Variants in STX17 observed in about 807,000 individuals in gnomAD.
STX17 encodes the protein syntaxin-17.
A neutral mutation model predicts 35.9 loss-of-function variants in STX17; 29 were observed. That is an observed-to-expected ratio of 0.81 (90% CI 0.60 to 1.10). STX17 has a LOEUF of 1.10. Among genes scored for constraint, STX17 ranks in the 50% least tolerant of loss-of-function variants. The probability of loss-of-function intolerance (pLI) is 0.00; values close to 1 mark genes in which losing one functional copy is unlikely to be tolerated. For missense variants in STX17, 312 were observed against 352.3 expected (o/e 0.89, Z 0.92); for synonymous variants, 92 against 118.3 (o/e 0.78, Z 1.44).
intron 3 of STX17, among the ~76,000 whole-genome samples, chr9:99,937,582 T>C (rs933877184): frequency 7.9e-5 from 12 of 152,196 alleles, no homozygotes; most frequent in Admixed American, 6.5e-4. Flanking sequence ...AGTTTTCCCC[T>C]CCAGAATTTT....
chr9:99,928,731 C>T (rs1477318277), intron 2 of STX17, 47 bp from the exon 3 acceptor site: 1 of 1,548,328 alleles, frequency 6.5e-7, no homozygotes, highest in Non-Finnish European at 8.9e-7. Context: ...GGGAAATAAC[C>T]CTTTAGTGAT....
chr9:99,930,174 G>A (rs1829089069), intron 3 of STX17, among the ~76,000 whole-genome samples: 1 of 151,960 alleles, frequency 6.6e-6, no homozygotes, highest in Admixed American at 6.5e-5. Context: ...GCCTCCCATA[G>A]TGCTGGGATT....
intron 1 of STX17, among the ~76,000 whole-genome samples, chr9:99,911,518 C>A (rs2118290687): frequency 6.6e-6 from 1 of 152,018 alleles, no homozygotes; most frequent in East Asian, 1.9e-4. Flanking sequence ...TGGATAAATA[C>A]CCAGTAGTGG....
At chr9:99,932,542 T>C (rs1338136492) in intron 3 of STX17, among the ~76,000 whole-genome samples, 2 of 152,182 alleles carry the variant, frequency 1.3e-5, no homozygotes, top group East Asian at 3.8e-4. Flanking sequence ...TTTAATGAGA[T>C]TATTATGACT....
chr9:99,944,808 G>A (rs927379420), intron 3 of STX17, among the ~76,000 whole-genome samples: 1 of 152,018 alleles, frequency 6.6e-6, no homozygotes, highest in Non-Finnish European at 1.5e-5. Flanking sequence ...GAGCCACTGC[G>A]CCCAGCCAGC....
rs755898321 is a variant in STX17, at chr9:99,951,296, G to A, written c.415+11G>A. The A allele has an allele frequency of 1.2e-6, 2 of 1,610,486 alleles. No individual in the cohort carries two copies. Among genetic ancestry groups the A allele is most frequent in the Non-Finnish European group, 1.7e-6 (2 of 1,177,332 alleles). On this transcript the variant is annotated intron_variant, in intron 4 of 7. Coordinates refer to ENST00000259400, the MANE Select transcript of STX17 (RefSeq NM_017919.3). ...CCATGACTGTTGGTGGTAATGTATT[G>A]TGCTAAGTCTTATTCTCAGTCACAG...
intron 3 of STX17, among the ~76,000 whole-genome samples, chr9:99,937,601 TC>T (rs1829262706): frequency 6.6e-6 from 1 of 152,198 alleles, no homozygotes; most frequent in Non-Finnish European, 1.5e-5. Context: ...TTGATTTGAG[TC>T]TTTTTTATAT....
intron 3 of STX17, among the ~76,000 whole-genome samples, chr9:99,933,696 C>T (rs573609958): frequency 2.0e-5 from 3 of 152,286 alleles, no homozygotes; most frequent in African/African-American, 4.8e-5. Flanking sequence ...GCTACTCCCC[C>T]ACCAATAGGT....
chr9:99,936,975 C>CT (rs1350740166), intron 3 of STX17, among the ~76,000 whole-genome samples: 1 of 151,998 alleles, frequency 6.6e-6, no homozygotes, highest in Non-Finnish European at 1.5e-5. Flanking sequence ...GTGACGAATA[C>CT]TTTGAGTTTT....
intron 2 of STX17, among the ~76,000 whole-genome samples, chr9:99,927,149 C>G (rs1298777368): frequency 6.6e-6 from 1 of 152,212 alleles, no homozygotes; most frequent in East Asian, 1.9e-4. Context: ...CTTCTCCTCT[C>G]TGGTATTCTC....
At chr9:99,952,884 AG>A (rs1312841149) in intron 4 of STX17, among the ~76,000 whole-genome samples, 1 of 83,060 alleles carries the variant, frequency 1.2e-5, no homozygotes, top group Admixed American at 1.6e-4. Flanking sequence ...GTTGTGGGGT[AG>A]GGGGAGGGGG....
intron 2 of STX17, among the ~76,000 whole-genome samples, chr9:99,921,958 GA>G (rs1475883227): frequency 1.3e-5 from 2 of 151,980 alleles, no homozygotes; most frequent in Non-Finnish European, 2.9e-5. Flanking sequence ...AAGGAAGGTG[GA>G]AAAAATATGG....
chr9:99,960,597 C>T (rs1326302515), intron 6 of STX17, among the ~76,000 whole-genome samples: 2 of 152,174 alleles, frequency 1.3e-5, no homozygotes, highest in African/African-American at 4.8e-5. Context: ...GCACGTGCCA[C>T]CATGCCCAGC....
At chr9:99,923,089 T>C (rs1828918991) in intron 2 of STX17, among the ~76,000 whole-genome samples, 1 of 152,162 alleles carries the variant, frequency 6.6e-6, no homozygotes, top group Admixed American at 6.5e-5. Context: ...TCCTTCATCT[T>C]CTATTTCTTT....
Position 99,928,781 on chromosome 9 carries a change from C to T in STX17, c.127C>T (p.Gln43Ter). 6.2e-7 allele frequency: 1 copy of T among 1,612,404 alleles called. No homozygotes were observed. The highest frequency in any genetic ancestry group is 8.5e-7 in the Non-Finnish European group (1 of 1,178,722). ...CTCCCTTCTTTCTTTTATATAGTAT[C>T]AAAGGTGCAGAATCTGGGACAAGTT... Reference protein sequence around the residue: ...RKHQINIEKYQRCRIWDKLHE... With the variant: ...RKHQINIEKY The change falls in exon 3 of 8, where the codon CAA becomes TAA. Residue 43 changes from glutamine to a stop codon, truncating the protein, a stop_gained. Transcript: ENST00000259400. LOFTEE classifies it high-confidence loss of function.
rs1003401524 is a variant in STX17 at position 99,934,440 on chromosome 9, A to G, written c.189+5597A>G. ...TTTACTCTTTTTGGTGGCTTAGTTAATACTTGTTAAGCTATATATATTCTT... is the reference window on the plus strand; with the variant it reads ...TTTACTCTTTTTGGTGGCTTAGTTAGTACTTGTTAAGCTATATATATTCTT... On this transcript the variant is annotated intron_variant, in intron 3 of 7. Transcript: ENST00000259400. Among the ~76,000 whole-genome samples, 3 of 152,308 alleles carry G rather than the reference A, an allele frequency of 2.0e-5. No individual in the cohort carries two copies. In the South Asian group the frequency reaches 6.2e-4, roughly 32 times the overall value.
intron 2 of STX17, among the ~76,000 whole-genome samples, chr9:99,924,584 A>G (rs953230053): frequency 2.6e-5 from 4 of 152,124 alleles, no homozygotes; most frequent in Non-Finnish European, 5.9e-5. Context: ...GATATTATTT[A>G]TCTTCATGAT....
At chr9:99,924,727 C>G (rs1013508214) in intron 2 of STX17, among the ~76,000 whole-genome samples, 1 of 151,998 alleles carries the variant, frequency 6.6e-6, no homozygotes, top group Non-Finnish European at 1.5e-5. Flanking sequence ...TTTTTTCTAG[C>G]CTTTGCCCCA....
At chr9:99,939,689 T>C (rs1829310507) in intron 3 of STX17, among the ~76,000 whole-genome samples, 1 of 152,176 alleles carries the variant, frequency 6.6e-6, no homozygotes, top group Admixed American at 6.5e-5. Flanking sequence ...TTCCCATTAT[T>C]ATTTTTCAGA....
Sources: allele counts gnomAD v4.1 joint callset (sites outside exome capture counted in the v4.1 genomes callset), GRCh38; gene constraint gnomAD v4.1.1; transcripts MANE v1.5; gene names NCBI Gene and HGNC (gene_info 2026-07-23, HGNC 2026-07-21).